UNC13C: variants seen among roughly 807,000 people sequenced by gnomAD.
UNC13C encodes the protein unc-13 homolog C.
UNC13C carries 174 observed loss-of-function variants against 245.4 expected under a neutral mutation model. That is an observed-to-expected ratio of 0.71 (90% CI 0.63 to 0.80). UNC13C has a LOEUF of 0.80. UNC13C is among the 30% of genes least tolerant of loss of function. The pLI, the probability that UNC13C is intolerant of heterozygous loss-of-function variation, is 0.00. For missense variants in UNC13C, 2,829 were observed against 2,602.9 expected (o/e 1.09, Z -1.89); for synonymous variants, 992 against 895.1 (o/e 1.11, Z -1.93).
the UNC13C span, among the ~76,000 whole-genome samples, chr15:53,889,867 A>G: frequency 6.6e-6 from 1 of 152,114 alleles, no homozygotes; most frequent in African/African-American, 2.4e-5. Context: ...ATTGATTTGC[A>G]TATGTTGAAC....
intron 2 of UNC13C, among the ~76,000 whole-genome samples, chr15:54,021,984 A>G (rs1895921244): frequency 6.6e-6 from 1 of 152,188 alleles, no homozygotes; most frequent in Non-Finnish European, 1.5e-5. Context: ...AGGTGATACC[A>G]TTTACGTTTG....
intron 19 of UNC13C, among the ~76,000 whole-genome samples, chr15:54,435,280 C>T (rs1010431266): frequency 2.0e-5 from 3 of 152,078 alleles, no homozygotes; most frequent in Non-Finnish European, 4.4e-5. Flanking sequence ...CACATGCACA[C>T]ATATGTTTAT....
At chr15:54,373,983 C>CA (rs1473160153) in intron 17 of UNC13C, among the ~76,000 whole-genome samples, 2 of 152,100 alleles carry the variant, frequency 1.3e-5, no homozygotes, top group Non-Finnish European at 2.9e-5. Context: ...TTTCAGCAGA[C>CA]AAGAAACCCA....
rs1270465716 is a variant in UNC13C at position 54,424,882 on chromosome 15, CTCTGCTCTGGTCA to C, written c.4933+9818_4933+9830del. Among the ~76,000 whole-genome samples the C allele has an allele frequency of 1.7e-4, 26 of 151,780 alleles. 1 individual carries two copies. Among genetic ancestry groups the C allele is most frequent in the Admixed American group, 1.1e-3 (16 of 15,204 alleles). ...GGGTAAATTAGTGTATTGTGCTGTG[CTCTGCTCTGGTCA>C]TCCCTCTGCGTCTCCCCAAGAAACT... is the stretch of plus-strand genomic sequence containing the variant. On this transcript the variant is annotated intron_variant, in intron 19 of 32. Coordinates refer to ENST00000260323, the MANE Select transcript of UNC13C (RefSeq NM_001080534.3).
intron 16 of UNC13C, among the ~76,000 whole-genome samples, chr15:54,336,809 T>C (rs945649172): frequency 1.3e-5 from 2 of 152,016 alleles, no homozygotes; most frequent in Non-Finnish European, 2.9e-5. Flanking sequence ...ATTTCTGAAC[T>C]CTCTATACTG....
At chr15:54,320,683 C>T (rs2038131200) in intron 13 of UNC13C, 1 of 342,422 alleles carries the variant, frequency 2.9e-6, no homozygotes, top group South Asian at 2.6e-5. Flanking sequence ...TGTCACTTCT[C>T]TGGCTCTCTT....
chr15:54,105,746 G>C (rs1490811417), intron 2 of UNC13C, among the ~76,000 whole-genome samples: 1 of 152,234 alleles, frequency 6.6e-6, no homozygotes, highest in East Asian at 1.9e-4. Context: ...GGAATGAATA[G>C]AAGAATGTGA....
chr15:53,840,356 G>A, the UNC13C span, among the ~76,000 whole-genome samples: 1 of 152,022 alleles, frequency 6.6e-6, no homozygotes, highest in Non-Finnish European at 1.5e-5. Context: ...AGATTAATGT[G>A]CTAAACTCAG....
chr15:53,974,231 T>C (rs1270667158), upstream of UNC13C, among the ~76,000 whole-genome samples: 1 of 152,198 alleles, frequency 6.6e-6, no homozygotes, highest in Admixed American at 6.5e-5. Flanking sequence ...AATATATAGT[T>C]AGAAGGTTTG....
chr15:54,117,742 G>A (rs1267058158), intron 2 of UNC13C, among the ~76,000 whole-genome samples: 2 of 152,012 alleles, frequency 1.3e-5, no homozygotes, highest in Non-Finnish European at 2.9e-5. Flanking sequence ...CACTAGTGCA[G>A]CTATTTTTTG....
intron 25 of UNC13C, among the ~76,000 whole-genome samples, chr15:54,532,629 C>T (rs1415875067): frequency 1.3e-5 from 2 of 150,918 alleles, no homozygotes; most frequent in African/African-American, 2.4e-5. Flanking sequence ...TTTCCCAAAC[C>T]GTGCTCAGAG....
chr15:53,950,339 C>CTTCA, the UNC13C span, among the ~76,000 whole-genome samples: 7 of 152,200 alleles, frequency 4.6e-5, no homozygotes, highest in African/African-American at 1.7e-4. Context: ...CAGAGAAGAT[C>CTTCA]TTCATTTTTA....
At chr15:53,886,298 T>G in the UNC13C span, among the ~76,000 whole-genome samples, 1 of 152,086 alleles carries the variant, frequency 6.6e-6, no homozygotes, top group African/African-American at 2.4e-5. Flanking sequence ...CTTGGAACAT[T>G]TGTAGTTCCA....
intron 30 of UNC13C, among the ~76,000 whole-genome samples, chr15:54,607,699 G>C (rs1369578209): frequency 6.6e-6 from 1 of 152,110 alleles, no homozygotes; most frequent in Non-Finnish European, 1.5e-5. Context: ...ATGGCAAAAG[G>C]CAGAGGGGAA....
intron 26 of UNC13C, among the ~76,000 whole-genome samples, chr15:54,538,145 A>AAAAAAAAAAAAAAAAAAAAAC (rs1896072628): frequency 7.0e-6 from 1 of 142,068 alleles, no homozygotes; most frequent in Non-Finnish European, 1.5e-5. Flanking sequence ...AAAAAAAAAA[A>AAAAAAAAAAAAAAAAAAAAAC]AAAAAAAAAA....
chr15:54,030,407 T>C (rs1211134102), intron 2 of UNC13C, among the ~76,000 whole-genome samples: 1 of 152,204 alleles, frequency 6.6e-6, no homozygotes, highest in Non-Finnish European at 1.5e-5. Context: ...TAAAGGTAAC[T>C]GTGAAAAAGG....
chr15:54,034,062 TC>T (rs1169737312), intron 2 of UNC13C, among the ~76,000 whole-genome samples: 1 of 152,194 alleles, frequency 6.6e-6, no homozygotes, highest in African/African-American at 2.4e-5. Flanking sequence ...GAGCTTTTGT[TC>T]CAGAATGGAC....
At chr15:54,372,428 G>A (rs970743355) in intron 17 of UNC13C, among the ~76,000 whole-genome samples, 1 of 151,968 alleles carries the variant, frequency 6.6e-6, no homozygotes, top group African/African-American at 2.4e-5. Context: ...AAGATAATAA[G>A]ATAAGCACCT....
chr15:53,849,728 G>C, the UNC13C span, among the ~76,000 whole-genome samples: 1 of 151,960 alleles, frequency 6.6e-6, no homozygotes, highest in Non-Finnish European at 1.5e-5. Flanking sequence ...ATGTATTCTG[G>C]CAGCAACCAT....
Sources: gnomAD v4.1 joint callset for allele counts (sites outside exome capture counted in the v4.1 genomes callset) on GRCh38, gnomAD v4.1.1 for gene constraint, MANE v1.5 for transcripts, NCBI Gene and HGNC (gene_info 2026-07-23, HGNC 2026-07-21) for gene names.